ITGA9: variants seen among roughly 807,000 people sequenced by gnomAD.
ITGA9 encodes the protein integrin subunit alpha 9.
A neutral mutation model predicts 127.8 loss-of-function variants in ITGA9; 56 were observed. The ratio of observed to expected loss-of-function variants is 0.44; its 90% CI spans 0.35 to 0.55. ITGA9 has a LOEUF of 0.55. Ranked by LOEUF, ITGA9 falls within the 20% of genes least tolerant of loss-of-function variation. The pLI is 0.00. For missense variants in ITGA9, 1,196 were observed against 1,347.1 expected (o/e 0.89, Z 1.76); for synonymous variants, 508 against 514.5 (o/e 0.99, Z 0.17).
intron 18 of ITGA9, among the ~76,000 whole-genome samples, chr3:37,685,042 G>T (rs60294477): frequency 0.011 from 1,697 of 152,186 alleles, 42 homozygotes; most frequent in African/African-American, 0.039. Context: ...TGTTCAGCTG[G>T]GACTGCTTGC....
chr3:37,452,570 G>C lies in ITGA9; in HGVS notation c.185+11G>C. ...CGACAACACGCGCTGGTGAGTGCCC[G>C]CCCGACTCCGCGACCCTGGCCCGCG... On this transcript the variant is annotated intron_variant, in intron 1 of 27. Coordinates refer to ENST00000264741, the MANE Select transcript of ITGA9 (RefSeq NM_002207.3). This position sits in a 1 kb window ranked among gnomAD's most constrained non-coding sequence, Gnocchi z 7.3. 6.6e-7 allele frequency: 1 copy of C among 1,507,186 alleles called. No individual in the cohort carries two copies. The highest frequency in any genetic ancestry group is 8.9e-7 in the Non-Finnish European group (1 of 1,126,508). 93.4% of individuals were successfully genotyped at this position (1,507,186 alleles called of 1,614,324 possible).
At chr3:37,536,144 TC>T (rs1575141846) in intron 14 of ITGA9, among the ~76,000 whole-genome samples, 2 of 152,094 alleles carry the variant, frequency 1.3e-5, no homozygotes, top group South Asian at 4.2e-4. Flanking sequence ...ACCCTCCACT[TC>T]CATCCAAGCT....
At chr3:37,747,724 T>TTTTTTG (rs1553664947) in intron 22 of ITGA9, among the ~76,000 whole-genome samples, 7 of 151,666 alleles carry the variant, frequency 4.6e-5, no homozygotes, top group Non-Finnish European at 8.8e-5. Context: ...TTCTTTTTTT[T>TTTTTTG]TTTTGTTTTG....
At chr3:37,767,540 G>A (rs1339787770) in intron 23 of ITGA9, among the ~76,000 whole-genome samples, 1 of 152,210 alleles carries the variant, frequency 6.6e-6, no homozygotes, top group Non-Finnish European at 1.5e-5. Flanking sequence ...CAGCTCTGCA[G>A]GTTTGGAGTG....
At chr3:37,668,851 C>G (rs1026422627) in intron 17 of ITGA9, among the ~76,000 whole-genome samples, 1 of 152,224 alleles carries the variant, frequency 6.6e-6, no homozygotes, top group Non-Finnish European at 1.5e-5. Context: ...CGCTTTGTCC[C>G]CAGTAGTCAC....
rs1221150190 is a variant in ITGA9 at position 37,823,313 on chromosome 3, G to C, written c.*4324G>C. On this transcript the variant is annotated 3_prime_UTR_variant, in exon 28 of 28. Transcript: ENST00000264741. ...TGCTTGGCAGGCACCCACGCTATCT[G>C]CATTTCCAGAACTTTACTGATGCAT... The C allele has an allele frequency of 6.6e-6, 1 of 152,190 alleles. No homozygotes were observed. The highest frequency in any genetic ancestry group is 1.5e-5 in the Non-Finnish European group (1 of 68,038). 9.4% of individuals were successfully genotyped at this position (152,190 alleles called of 1,614,324 possible).
intron 15 of ITGA9, among the ~76,000 whole-genome samples, chr3:37,586,488 C>T (rs1178923631): frequency 6.6e-6 from 1 of 152,214 alleles, no homozygotes; most frequent in Non-Finnish European, 1.5e-5. Flanking sequence ...TGCTTTCTTA[C>T]AGGTCACGAA....
At chr3:37,802,524 G>A (rs1697247746) in intron 26 of ITGA9, among the ~76,000 whole-genome samples, 1 of 152,210 alleles carries the variant, frequency 6.6e-6, no homozygotes, top group Admixed American at 6.5e-5. Flanking sequence ...CCAAAGGAGA[G>A]AATGACTGCC....
At chr3:37,594,343 C>T (rs1246369959) in intron 15 of ITGA9, among the ~76,000 whole-genome samples, 2 of 152,168 alleles carry the variant, frequency 1.3e-5, no homozygotes, top group Admixed American at 6.5e-5. Context: ...GTATGGCCTG[C>T]TTTCTAGCTG....
At chr3:37,685,141 C>T (rs1700770617) in intron 18 of ITGA9, among the ~76,000 whole-genome samples, 2 of 152,204 alleles carry the variant, frequency 1.3e-5, no homozygotes, top group South Asian at 2.1e-4. Flanking sequence ...AAAACCTTCA[C>T]TCTGCCCACC....
At chr3:37,684,266 G>T (rs557550654) in intron 18 of ITGA9, among the ~76,000 whole-genome samples, 53 of 152,306 alleles carry the variant, frequency 3.5e-4, no homozygotes, top group African/African-American at 1.2e-3. Context: ...CTTCTCTCTT[G>T]TGGAATCCTC....
At chr3:37,741,506 C>T (rs1290031194) in intron 20 of ITGA9, among the ~76,000 whole-genome samples, 1 of 152,244 alleles carries the variant, frequency 6.6e-6, no homozygotes, top group Non-Finnish European at 1.5e-5. Flanking sequence ...CCTGGGGCCA[C>T]CTCTCGAATA....
Position 37,799,051 on chromosome 3 carries a change from A to G in ITGA9, c.2890-4772A>G, listed in dbSNP as rs548896343. On this transcript the variant is annotated intron_variant, in intron 26 of 27. Transcript: ENST00000264741. The surrounding 1 kb of genome is among the most constrained non-coding windows in gnomAD (Gnocchi z 4.0). Reference sequence around the variant, plus strand: ...AGGATATTGCTAATTTAGTACCAATATAAATAATTCTGCAGTGAACATCTT... The same window carrying G: ...AGGATATTGCTAATTTAGTACCAATGTAAATAATTCTGCAGTGAACATCTT... Among the ~76,000 whole-genome samples, 3 of 152,368 alleles carry G rather than the reference A, an allele frequency of 2.0e-5. No homozygotes were observed. Among genetic ancestry groups the G allele is most frequent in the Admixed American group, 1.3e-4 (2 of 15,304 alleles).
At chr3:37,663,354 A>G (rs1420999358) in intron 17 of ITGA9, among the ~76,000 whole-genome samples, 1 of 152,210 alleles carries the variant, frequency 6.6e-6, no homozygotes, top group African/African-American at 2.4e-5. Flanking sequence ...TGGCTAGCCA[A>G]CTCCGATAAA....
chr3:37,606,963 A>G lies in ITGA9; in HGVS notation c.1690-22224A>G, dbSNP rs544167310. 3.6e-5 allele frequency among the ~76,000 whole-genome samples: 5 copies of G among 137,418 alleles called. No individual in the cohort carries two copies. The East Asian group carries it at 8.6e-4, about 24-fold the overall frequency. 90.2% of individuals were successfully genotyped at this position (137,418 alleles called of 152,430 possible). On this transcript the variant is annotated intron_variant, in intron 15 of 27. Transcript: ENST00000264741. The stretch of plus-strand genomic sequence containing the variant: ...AGGGGCCATAACAATAGCAGGGCTC[A>G]TGGCTCCTTTTTTTTTTTTTTTTTT...
At chr3:37,483,957 G>C (rs116007343) in intron 4 of ITGA9, among the ~76,000 whole-genome samples, 3 of 152,294 alleles carry the variant, frequency 2.0e-5, no homozygotes, top group Non-Finnish European at 2.9e-5. Context: ...ATTTCTGTTA[G>C]TTTGTTTTTT....
At chr3:37,593,476 G>A (rs1270457415) in intron 15 of ITGA9, among the ~76,000 whole-genome samples, 1 of 152,216 alleles carries the variant, frequency 6.6e-6, no homozygotes, top group Non-Finnish European at 1.5e-5. Flanking sequence ...CCACAATCAA[G>A]GTGCCAGCAT....
At chr3:37,573,269 G>A (rs1402509044) in intron 15 of ITGA9, 2 of 152,174 alleles carry the variant, frequency 1.3e-5, no homozygotes, top group African/African-American at 4.8e-5. Flanking sequence ...TTCCCAGTGT[G>A]TTTAAACCCC....
intron 15 of ITGA9, among the ~76,000 whole-genome samples, chr3:37,621,970 A>G (rs1437724598): frequency 6.6e-6 from 1 of 152,138 alleles, no homozygotes; most frequent in Non-Finnish European, 1.5e-5. Context: ...TGTCAAGTCA[A>G]TATTTATAAC....
Sources: gnomAD v4.1 joint callset for allele counts (sites outside exome capture counted in the v4.1 genomes callset) on GRCh38, gnomAD v4.1.1 for gene constraint, Gnocchi (gnomAD v3.1) non-coding constraint, MANE v1.5 for transcripts, NCBI Gene and HGNC (gene_info 2026-07-23, HGNC 2026-07-21) for gene names.